The following ACSF3 variants were observed in gnomAD, a reference collection of about 807,000 sequenced individuals.
The protein encoded by ACSF3 is acyl-CoA synthetase family member 3, also known as malonate--CoA ligase ACSF3, mitochondrial.
A neutral mutation model predicts 53.2 loss-of-function variants in ACSF3; 78 were observed. The observed-to-expected ratio is 1.47, with a 90% CI of 1.22 to 1.77. The LOEUF is 1.77. Ranked by LOEUF, ACSF3 falls within the 40% of genes most tolerant of loss-of-function variation. ACSF3 has a pLI of 0.00. For synonymous variants in ACSF3, 414 were observed against 333.1 expected (o/e 1.24, Z -2.65); for missense variants, 937 against 771.1 (o/e 1.22, Z -2.55).
chr16:89,112,044 C>T (rs749442219), intron 4 of ACSF3, 48 bp from the exon 5 acceptor site: 11 of 272,388 alleles, frequency 4.0e-5, no homozygotes, highest in South Asian at 6.3e-5. Flanking sequence ...CCGCCACGGG[C>T]CCCAGTGCCT....
At chr16:89,149,481 C>G (rs921532341) in intron 10 of ACSF3, 1 of 152,166 alleles carries the variant, frequency 6.6e-6, no homozygotes, top group African/African-American at 2.4e-5. Flanking sequence ...CACCCACACA[C>G]TCGACCCACT....
intron 7 of ACSF3, among the ~76,000 whole-genome samples, chr16:89,132,706 G>A (rs576258870): frequency 3.3e-5 from 5 of 152,256 alleles, no homozygotes; most frequent in South Asian, 4.1e-4. Context: ...ACAGGTGCCC[G>A]CTGCTGTGTT....
chr16:89,145,373 G>C lies in ACSF3; in HGVS notation c.1473G>C (p.Trp491Cys). ...AGGTCAGCGCCCTGGAGGTGGAGTG[G>C]CACCTGCTGGCCCACCCCAGCATCA... ...GYKVSALEVEWHLLAHPSITD... is the reference protein window; with the variant it reads ...GYKVSALEVECHLLAHPSITD... Residue 491 changes from tryptophan to cysteine, a missense_variant, in exon 9 of 11, where the codon TGG becomes TGC. Transcript: ENST00000614302. 6.2e-7 allele frequency: 1 copy of C among 1,614,162 alleles called. No individual in the cohort carries two copies. The highest frequency in any genetic ancestry group is 1.3e-5 in the African/African-American group (1 of 75,068).
At position 89,101,279 on chromosome 16, in the gene ACSF3, A is replaced by T. The variant is rs766416378; in HGVS notation, c.598A>T (p.Ile200Phe). 3 of 1,602,736 alleles carry T rather than the reference A, an allele frequency of 1.9e-6. No individual in the cohort carries two copies. The highest frequency in any genetic ancestry group is 8.5e-7 in the Non-Finnish European group (1 of 1,175,142). Residue 200 changes from isoleucine to phenylalanine, a missense_variant, in exon 3 of 11, where the codon ATC becomes TTC. Transcript: ENST00000614302. ...ATGGAGGAACAAGGGCGCCATGATC[A>T]TCTACACCAGTGGGACCACGGGGAG... ...QGWRNKGAMI[I>F]YTSGTTGRPK...
chr16:89,153,285 C>T (rs1450851499), intron 10 of ACSF3: 1 of 153,084 alleles, frequency 6.5e-6, no homozygotes, highest in Non-Finnish European at 1.5e-5. Flanking sequence ...AACCATCCTC[C>T]CTTTGGGGGG....
rs552954499 is a variant in ACSF3 at position 89,106,483 on chromosome 16, G to A, written c.822+3724G>A. Among the ~76,000 whole-genome samples the A allele has an allele frequency of 7.2e-5, 11 of 152,108 alleles. No homozygotes were observed. In the South Asian group the frequency reaches 1.5e-3, roughly 20 times the overall value. ...AATTTTTTGTATTTTTAGTAGAGAC[G>A]GGGTTTCACTATGTTGGCCAGGCTG... On this transcript the variant is annotated intron_variant, in intron 4 of 10. Transcript: ENST00000614302.
At chr16:89,121,358 G>A (rs1473218615) in intron 7 of ACSF3, among the ~76,000 whole-genome samples, 3 of 152,320 alleles carry the variant, frequency 2.0e-5, no homozygotes, top group Admixed American at 1.3e-4. Flanking sequence ...GGCCCCCATA[G>A]TAGGTGTGGG....
intron 6 of ACSF3, among the ~76,000 whole-genome samples, chr16:89,120,007 C>A (rs909123209): frequency 6.6e-6 from 1 of 152,226 alleles, no homozygotes; most frequent in African/African-American, 2.4e-5. Context: ...TCTGCTCTGC[C>A]CCTAGGTCAT....
At chr16:89,131,903 T>C (rs1157474229) in intron 7 of ACSF3, among the ~76,000 whole-genome samples, 4 of 152,270 alleles carry the variant, frequency 2.6e-5, no homozygotes, top group African/African-American at 7.2e-5. Flanking sequence ...CCCGTCACCA[T>C]GTGGGGCAGG....
At chr16:89,146,774 G>T (rs529694992) in intron 10 of ACSF3, among the ~76,000 whole-genome samples, 2 of 152,038 alleles carry the variant, frequency 1.3e-5, no homozygotes, top group Non-Finnish European at 2.9e-5. Flanking sequence ...TCTCCCACCT[G>T]TCTCACCCCC....
chr16:89,120,299 G>A (rs1906310954), intron 6 of ACSF3, among the ~76,000 whole-genome samples: 1 of 152,244 alleles, frequency 6.6e-6, no homozygotes, highest in African/African-American at 2.4e-5. Context: ...GTTCAGGACA[G>A]CCCCTCCTGG....
rs12446959 is a variant in ACSF3, at chr16:89,137,338, G to A, written c.1366+4076G>A. ...GGGAAGGATTGAGGGGAAGAGCCCC[G>A]GGTCTCGGGAGGACCACCAGGAGCT... On this transcript the variant is annotated intron_variant, in intron 8 of 10. Coordinates refer to ENST00000614302, the MANE Select transcript of ACSF3 (RefSeq NM_001243279.3). Among the ~76,000 whole-genome samples, 703 of 76,656 alleles carry A rather than the reference G, an allele frequency of 9.2e-3. 3 individuals carry two copies. Among genetic ancestry groups the A allele is most frequent in the African/African-American group, 0.02 (368 of 18,122 alleles). The allele number at this position is 76,656 out of a possible 152,430, so 50.3% of individuals were successfully genotyped here.
chr16:89,146,843 TCA>T (rs1913058739), intron 10 of ACSF3, among the ~76,000 whole-genome samples: 1 of 152,188 alleles, frequency 6.6e-6, no homozygotes, highest in Non-Finnish European at 1.5e-5. Flanking sequence ...GTGGTGGTGG[TCA>T]CGCCCAGGGC....
At chr16:89,120,750 C>G in intron 6 of ACSF3, 51 bp from the exon 7 acceptor site, 4 of 1,556,704 alleles carry the variant, frequency 2.6e-6, no homozygotes, top group Non-Finnish European at 3.5e-6. Flanking sequence ...CTTCTCTCCT[C>G]CAGGTTCCTC....
In ACSF3 at chr16:89,098,618, C is replaced by T. The variant is rs545395061; in HGVS notation, c.-166C>T. On this transcript the variant is annotated 5_prime_UTR_variant, in exon 2 of 11. Coordinates refer to ENST00000614302, the MANE Select transcript of ACSF3 (RefSeq NM_001243279.3). ...GTCCCACCGGCCTTCCGGGTTCCAG[C>T]GCCAGGCCTGGTGCCTGCCCCAGGA... 9 of 452,870 alleles carry T rather than the reference C, an allele frequency of 2.0e-5. No individual in the cohort carries two copies. The highest frequency in any genetic ancestry group is 3.1e-5 in the South Asian group (2 of 64,466). The allele number at this position is 452,870 out of a possible 1,614,324, so 28.1% of individuals were successfully genotyped here.
rs565284612 is a variant in ACSF3, at chr16:89,095,092, C to A, written c.-194+1096C>A. On this transcript the variant is annotated intron_variant, in intron 1 of 10. Coordinates refer to ENST00000614302, the MANE Select transcript of ACSF3 (RefSeq NM_001243279.3). ...CTGAGACCTTGTTGAGGAGGGGGTT[C>A]ACATGGTGGACCCAGGAGCACGGGT... The A allele has an allele frequency of 2.6e-5, 4 of 152,380 alleles. No individual in the cohort carries two copies. The East Asian group carries it at 7.7e-4, about 29-fold the overall frequency. The allele number at this position is 152,380 out of a possible 1,614,324, so 9.4% of individuals were successfully genotyped here.
chr16:89,138,048 C>T (rs1156511586), intron 8 of ACSF3, among the ~76,000 whole-genome samples: 1 of 152,204 alleles, frequency 6.6e-6, no homozygotes, highest in African/African-American at 2.4e-5. Context: ...TTGGGACTCA[C>T]TGGCCTCAAG....
At position 89,121,534 on chromosome 16, in the gene ACSF3, A is replaced by T. The variant is rs2151480831; in HGVS notation, c.1239+621A>T. Among the ~76,000 whole-genome samples, 2 of 152,346 alleles carry T rather than the reference A, an allele frequency of 1.3e-5. 1 individual carries two copies. The highest frequency in any genetic ancestry group is 6.8e-3 in the Middle Eastern group (2 of 294). On this transcript the variant is annotated intron_variant, in intron 7 of 10. Transcript: ENST00000614302. Reference sequence around the variant, plus strand: ...ATGAGAGTCTGCTCATCACACGTGAACTCATCACAGAGAAAGGTTTAGGGA... The same window carrying T: ...ATGAGAGTCTGCTCATCACACGTGATCTCATCACAGAGAAAGGTTTAGGGA...
At chr16:89,103,156 A>G (rs562529951) in intron 4 of ACSF3, among the ~76,000 whole-genome samples, 1 of 152,320 alleles carries the variant, frequency 6.6e-6, no homozygotes, top group South Asian at 2.1e-4. Context: ...CTGTTGTGAG[A>G]CTGCAGTGGG....
Sources: gnomAD v4.1 joint callset for allele counts (sites outside exome capture counted in the v4.1 genomes callset) on GRCh38, gnomAD v4.1.1 for gene constraint, MANE v1.5 for transcripts, NCBI Gene and HGNC (gene_info 2026-07-23, HGNC 2026-07-21) for gene names.